The following DLG3 variants were observed in gnomAD, a reference collection of about 807,000 sequenced individuals.
DLG3 encodes discs large MAGUK scaffold protein 3.
In DLG3, 1 loss-of-function variant was observed where a neutral mutation model predicts 64.1. That is an observed-to-expected ratio of 0.02 (90% CI 0.01 to 0.07). The LOEUF (loss-of-function observed/expected upper bound fraction) is 0.07, where lower values mean the gene tolerates loss of function less well. Ranked by LOEUF, DLG3 falls within the 10% of genes least tolerant of loss-of-function variation. The pLI is 1.00. For synonymous variants in DLG3, 245 were observed against 259.8 expected, an observed-to-expected ratio of 0.94 and a Z score of 0.55; for missense variants, 429 against 669.5, an observed-to-expected ratio of 0.64 and a Z score of 3.96.
intron 18 of DLG3, among the ~76,000 whole-genome samples, chrX:70,501,413 C>CTGTGTGTGTGTGTGTGTGTG (rs58272461): frequency 1.5e-3 from 144 of 93,882 alleles, no homozygotes; most frequent in African/African-American, 5.4e-3. Context: ...GTCTGTCTGT[C>CTGTGTGTGTGTGTGTGTGTG]TGTGTGTGTG....
chrX:70,464,530 G>A (rs748965537), intron 9 of DLG3, among the ~76,000 whole-genome samples: 1 of 112,119 alleles, frequency 8.9e-6, no homozygotes, highest in African/African-American at 3.2e-5. Context: ...AGCAGTGCTG[G>A]GATTACAGGC....
At chrX:70,460,282 CAAAAAA>C (rs1221573255) in intron 9 of DLG3, among the ~76,000 whole-genome samples, 1 of 38,438 alleles carries the variant, frequency 2.6e-5, no homozygotes, top group African/African-American at 7.6e-5. Context: ...GACTCTGTCT[CAAAAAA>C]AAAAAAAAAA....
chrX:70,501,089 C>A, intron 18 of DLG3, 100 bp downstream of exon 18: 1 of 672,120 alleles, frequency 1.5e-6, no homozygotes, highest in Non-Finnish European at 2.3e-6. Context: ...AGAAACCTTG[C>A]ACGGAGTTTC....
At chrX:70,493,511 G>A in intron 12 of DLG3, 1 of 1,117,099 alleles carries the variant, frequency 9.0e-7, no homozygotes, top group Non-Finnish European at 1.2e-6. Context: ...CAGGCCATCT[G>A]CAGCCCCATC....
intron 15 of DLG3, 82 bp from the exon 16 acceptor site, chrX:70,499,795 A>G (rs2087522810): frequency 2.9e-6 from 3 of 1,045,278 alleles, no homozygotes; most frequent in Admixed American, 2.6e-5. Flanking sequence ...ACCCACCCAG[A>G]TGAGAATGGA....
chrX:70,452,418 G>T (rs1053287762), intron 7 of DLG3: 18 of 949,444 alleles, frequency 1.9e-5, no homozygotes, highest in Non-Finnish European at 2.2e-5. Flanking sequence ...GGGCTGGCGG[G>T]ACTCTGACCG....
At chrX:70,477,117 G>C (rs2087067409) in intron 9 of DLG3, among the ~76,000 whole-genome samples, 1 of 112,482 alleles carries the variant, frequency 8.9e-6, no homozygotes, top group African/African-American at 3.2e-5. Context: ...TTTTTTAAAG[G>C]ATTTTTAAAG....
chrX:70,451,248 C>G (rs931145620), intron 6 of DLG3, among the ~76,000 whole-genome samples: 1 of 111,516 alleles, frequency 9.0e-6, no homozygotes, highest in Non-Finnish European at 1.9e-5. Flanking sequence ...ATTACAGGTG[C>G]CTGCCACCAT....
intron 15 of DLG3, 91 bp from the exon 16 acceptor site, chrX:70,499,786 C>T: frequency 1.0e-6 from 1 of 983,702 alleles, no homozygotes. Context: ...GGCCCAGTGA[C>T]CCACCCAGAT....
At chrX:70,477,280 A>T (rs2087069757) in intron 9 of DLG3, among the ~76,000 whole-genome samples, 7 of 112,655 alleles carry the variant, frequency 6.2e-5, no homozygotes, top group Non-Finnish European at 1.3e-4. Context: ...TCACAGTTCA[A>T]TGCATAGTTC....
intron 7 of DLG3, 25 bp downstream of exon 7, chrX:70,452,051 A>T (rs778777470): frequency 5.2e-5 from 63 of 1,204,078 alleles, no homozygotes; most frequent in Non-Finnish European, 6.6e-5. Flanking sequence ...CCAACATCCC[A>T]TTCAATCTAC....
At chrX:70,501,413 C>CTGTCTGTGTGTGTGTGTGTGTGTG (rs1421730747) in intron 18 of DLG3, among the ~76,000 whole-genome samples, 28 of 93,889 alleles carry the variant, frequency 3.0e-4, no homozygotes, top group South Asian at 5.5e-4. Context: ...GTCTGTCTGT[C>CTGTCTGTGTGTGTGTGTGTGTGTG]TGTGTGTGTG....
intron 10 of DLG3, among the ~76,000 whole-genome samples, chrX:70,482,662 G>GTTTTT (rs774419870): frequency 0.033 from 2,194 of 65,629 alleles, 254 homozygotes; most frequent in African/African-American, 0.13. Flanking sequence ...CATGTGTGGT[G>GTTTTT]TTTTTTTTTT....
chrX:70,490,309 G>A (rs967856290), intron 10 of DLG3, among the ~76,000 whole-genome samples: 3 of 111,975 alleles, frequency 2.7e-5, no homozygotes, highest in Non-Finnish European at 3.8e-5. Flanking sequence ...CTGAGAATGA[G>A]GTTGCTTCAT....
chrX:70,486,261 C>T (rs187382721), intron 10 of DLG3, among the ~76,000 whole-genome samples: 4 of 112,020 alleles, frequency 3.6e-5, no homozygotes, highest in Admixed American at 2.8e-4. Flanking sequence ...TCCCTGGCTT[C>T]GTAGAGATAT....
chrX:70,474,472 G>GA (rs2087020902), intron 9 of DLG3, among the ~76,000 whole-genome samples: 1 of 110,838 alleles, frequency 9.0e-6, no homozygotes, highest in Admixed American at 9.6e-5. Flanking sequence ...TGTATGCAGG[G>GA]AAAAGGGGGT....
At chrX:70,457,216 C>T (rs1196960326) in intron 9 of DLG3, among the ~76,000 whole-genome samples, 2 of 111,630 alleles carry the variant, frequency 1.8e-5, no homozygotes, top group African/African-American at 6.5e-5. Flanking sequence ...TGCTTGTGAA[C>T]ACCTGAGGGA....
intron 9 of DLG3, among the ~76,000 whole-genome samples, chrX:70,468,900 T>G (rs1356381756): frequency 8.9e-6 from 1 of 111,781 alleles, no homozygotes; most frequent in Non-Finnish European, 1.9e-5. Context: ...GGTCATAAAA[T>G]CATAATGATG....
intron 10 of DLG3, among the ~76,000 whole-genome samples, chrX:70,482,662 G>T (rs113639751): frequency 0.29 from 19,522 of 66,416 alleles, 2,615 homozygotes; most frequent in African/African-American, 0.46. Flanking sequence ...CATGTGTGGT[G>T]TTTTTTTTTT....
Sources: gnomAD v4.1 joint callset for allele counts (sites outside exome capture counted in the v4.1 genomes callset) on GRCh38, gnomAD v4.1.1 for gene constraint, MANE v1.5 for transcripts, NCBI Gene and HGNC (gene_info 2026-07-23, HGNC 2026-07-21) for gene names.